SNTG1: variants seen among roughly 807,000 people sequenced by gnomAD.
The protein encoded by SNTG1 is syntrophin gamma 1.
A neutral mutation model predicts 74.7 loss-of-function variants in SNTG1; 39 were observed. The observed-to-expected ratio is 0.52, with a 90% CI of 0.40 to 0.68. The LOEUF is 0.68. Among genes scored for constraint, SNTG1 ranks in the 30% least tolerant of loss-of-function variants. SNTG1 has a pLI of 0.00. For missense variants in SNTG1, 685 were observed against 609.5 expected, an observed-to-expected ratio of 1.12 and a Z score of -1.30; for synonymous variants, 254 against 217.1, an observed-to-expected ratio of 1.17 and a Z score of -1.49.
Position 50,477,783 on chromosome 8 carries a change from A to G in SNTG1, c.364-24995A>G, listed in dbSNP as rs191776145. The stretch of plus-strand genomic sequence containing the variant: ...CTTTTCAAGTTTCTGTATATCTAAA[A>G]CTGTTTTAACACAACCATTCTATTT... On this transcript the variant is annotated intron_variant, in intron 8 of 18. Coordinates refer to ENST00000642720, the MANE Select transcript of SNTG1 (RefSeq NM_018967.5). Among the ~76,000 whole-genome samples, 362 of 152,190 alleles carry G rather than the reference A, an allele frequency of 2.4e-3. 2 individuals are homozygous for G. The highest frequency in any genetic ancestry group is 3.8e-3 in the Admixed American group (58 of 15,278).
At chr8:50,627,084 CT>C (rs1209510859) in intron 13 of SNTG1, among the ~76,000 whole-genome samples, 1 of 151,962 alleles carries the variant, frequency 6.6e-6, no homozygotes, top group Admixed American at 6.6e-5. Flanking sequence ...TCATTTAATC[CT>C]TTTTGTCTGA....
chr8:50,632,171 A>G (rs1399140165), intron 13 of SNTG1, among the ~76,000 whole-genome samples: 1 of 152,110 alleles, frequency 6.6e-6, no homozygotes, highest in Non-Finnish European at 1.5e-5. Flanking sequence ...CATTATATTT[A>G]TATTTATAGT....
At chr8:50,587,141 G>GTA (rs1179671213) in intron 12 of SNTG1, among the ~76,000 whole-genome samples, 3 of 151,298 alleles carry the variant, frequency 2.0e-5, no homozygotes, top group South Asian at 2.1e-4. Flanking sequence ...TTGTGCATGT[G>GTA]TATATATATG....
At chr8:50,138,343 G>A (rs537917066) in intron 1 of SNTG1, among the ~76,000 whole-genome samples, 10 of 152,116 alleles carry the variant, frequency 6.6e-5, no homozygotes, top group East Asian at 3.9e-4. Context: ...CTGGCTGGAC[G>A]TGGTGGCTCA....
chr8:50,482,549 C>T (rs2093749609), intron 8 of SNTG1, among the ~76,000 whole-genome samples: 1 of 152,176 alleles, frequency 6.6e-6, no homozygotes, highest in African/African-American at 2.4e-5. Context: ...AAATCTCTAA[C>T]AGAACATAAC....
rs1420060130 is a variant in SNTG1 at position 50,450,575 on chromosome 8, T to A, written c.297T>A (p.Leu99=). Residue 99 remains leucine, a synonymous_variant, in exon 7 of 19, where the codon CTT becomes CTA. Transcript: ENST00000642720. ...KEQRAELSGL[L]FIGDAILQIN... Reference sequence around the variant, plus strand: ...TCACAGCGGAACTTTCAGGACTACTTTTTATTGGAGATGCAATTCTACAGG... The same window carrying A: ...TCACAGCGGAACTTTCAGGACTACTATTTATTGGAGATGCAATTCTACAGG... The A allele has an allele frequency of 5.6e-6, 9 of 1,613,508 alleles. No homozygotes were observed. Among genetic ancestry groups the A allele is most frequent in the Non-Finnish European group, 7.6e-6 (9 of 1,179,746 alleles).
intron 2 of SNTG1, among the ~76,000 whole-genome samples, chr8:50,386,703 G>T (rs1465160870): frequency 6.6e-6 from 1 of 151,908 alleles, no homozygotes; most frequent in African/African-American, 2.4e-5. Flanking sequence ...CATGTGGTAA[G>T]AGAGGAAGCA....
At chr8:50,500,366 G>GA (rs1172800172) in intron 8 of SNTG1, among the ~76,000 whole-genome samples, 1 of 150,940 alleles carries the variant, frequency 6.6e-6, no homozygotes, top group African/African-American at 2.4e-5. Flanking sequence ...TAAAATTTAT[G>GA]AAAAAATATT....
At chr8:50,480,494 C>T (rs2093731317) in intron 8 of SNTG1, among the ~76,000 whole-genome samples, 1 of 152,144 alleles carries the variant, frequency 6.6e-6, no homozygotes, top group Non-Finnish European at 1.5e-5. Context: ...GCTGCTCAGG[C>T]TAATTAACAA....
intron 2 of SNTG1, among the ~76,000 whole-genome samples, chr8:50,230,483 C>G (rs1563772023): frequency 1.3e-5 from 2 of 151,280 alleles, no homozygotes; most frequent in South Asian, 2.1e-4. Context: ...ATTAAAAGGA[C>G]AAACTACCTC....
chr8:50,154,444 C>A (rs867500467), intron 1 of SNTG1, among the ~76,000 whole-genome samples: 2 of 152,250 alleles, frequency 1.3e-5, no homozygotes, highest in Non-Finnish European at 2.9e-5. Context: ...GTCCTACCCC[C>A]ACTGTCCAAC....
At position 50,359,107 on chromosome 8, in the gene SNTG1, GC is replaced by G. The variant is rs572741158; in HGVS notation, c.-27-35104del. ...ATATTCTCTGTCTCCTTGTGCCTTT[GC>G]TGTCATAACTGAAGCTGTCAACCAG... On this transcript the variant is annotated intron_variant, in intron 2 of 18. Coordinates refer to ENST00000642720, the MANE Select transcript of SNTG1 (RefSeq NM_018967.5). Among the ~76,000 whole-genome samples the G allele has an allele frequency of 1.2e-4, 19 of 152,260 alleles. 1 individual carries two copies. The South Asian group carries it at 3.9e-3, about 32-fold the overall frequency.
Position 50,795,999 on chromosome 8 carries a change from A to T in SNTG1, c.*3170A>T, listed in dbSNP as rs1585817491. 1.3e-5 allele frequency: 2 copies of T among 152,194 alleles called. No homozygotes were observed. Among genetic ancestry groups the T allele is most frequent in the Non-Finnish European group, 2.9e-5 (2 of 67,968 alleles). The allele number at this position is 152,194 out of a possible 1,614,324, so 9.4% of individuals were successfully genotyped here. A position where few individuals can be genotyped will look rare whatever the true frequency, so the allele number is the denominator to read the frequency against. ...AAGAAAAAGAAAGCAATTACTTGAA[A>T]ATAAATGTCAAGTCCATATTAGCCA... On this transcript the variant is annotated 3_prime_UTR_variant, in exon 19 of 19. Coordinates refer to ENST00000642720, the MANE Select transcript of SNTG1 (RefSeq NM_018967.5).
chr8:50,260,939 A>T (rs1238493013), intron 2 of SNTG1, among the ~76,000 whole-genome samples: 1 of 152,116 alleles, frequency 6.6e-6, no homozygotes, highest in Non-Finnish European at 1.5e-5. Context: ...GCATAATGGG[A>T]ATACTAGAAA....
intron 2 of SNTG1, among the ~76,000 whole-genome samples, chr8:50,264,385 T>C (rs1008280506): frequency 1.3e-5 from 2 of 151,904 alleles, no homozygotes; most frequent in Non-Finnish European, 2.9e-5. Flanking sequence ...CTGACCAACA[T>C]GGTGAAACCC....
At chr8:50,441,812 A>G (rs1020174282) in intron 5 of SNTG1, among the ~76,000 whole-genome samples, 1 of 152,172 alleles carries the variant, frequency 6.6e-6, no homozygotes, top group African/African-American at 2.4e-5. Flanking sequence ...CCACCCAAAA[A>G]GAGTTCTGAC....
chr8:50,679,086 C>G (rs1195358794), intron 15 of SNTG1, among the ~76,000 whole-genome samples: 1 of 152,036 alleles, frequency 6.6e-6, no homozygotes, highest in Non-Finnish European at 1.5e-5. Context: ...ACAATATAAT[C>G]TATTAACTGT....
intron 11 of SNTG1, among the ~76,000 whole-genome samples, chr8:50,540,036 T>TA (rs1161854031): frequency 6.6e-6 from 1 of 152,142 alleles, no homozygotes; most frequent in Non-Finnish European, 1.5e-5. Context: ...GCACTTTTTT[T>TA]ATCCCTGAAT....
intron 2 of SNTG1, among the ~76,000 whole-genome samples, chr8:50,254,524 A>T (rs574161418): frequency 1.3e-5 from 2 of 152,224 alleles, no homozygotes; most frequent in African/African-American, 4.8e-5. Flanking sequence ...CTATGACAAG[A>T]CTAAAAGATA....
Sources: gnomAD v4.1 joint callset for allele counts (sites outside exome capture counted in the v4.1 genomes callset) on GRCh38, gnomAD v4.1.1 for gene constraint, MANE v1.5 for transcripts, NCBI Gene and HGNC (gene_info 2026-07-23, HGNC 2026-07-21) for gene names.